THAP4: variants seen among roughly 807,000 people sequenced by gnomAD.
The protein encoded by THAP4 is peroxynitrite isomerase THAP4.
In THAP4, 18 loss-of-function variants were observed where a neutral mutation model predicts 48.1. The ratio of observed to expected loss-of-function variants is 0.37; its 90% CI spans 0.26 to 0.56. The LOEUF (loss-of-function observed/expected upper bound fraction) is 0.56. Ranked by LOEUF, THAP4 falls within the 20% of genes least tolerant of loss-of-function variation. The pLI, the probability that THAP4 is intolerant of heterozygous loss-of-function variation, is 0.78. For synonymous variants in THAP4, 345 were observed against 324.9 expected, an observed-to-expected ratio of 1.06 and a Z score of -0.66; for missense variants, 656 against 774.9, an observed-to-expected ratio of 0.85 and a Z score of 1.82.
In THAP4 at chr2:241,610,978, A is replaced by G. The variant is rs1051292126; in HGVS notation, c.1241-4505T>C. On this transcript the variant is annotated intron_variant, in intron 2 of 5. Transcript: ENST00000407315. This position sits in a 1 kb window ranked among gnomAD's most constrained non-coding sequence, Gnocchi z 4.2. ...GAGGGGGACTCTCAGGTAAGTAACAATATTATCACCTTCCCTCCCAAGAAT... is the reference window on the plus strand; with the variant it reads ...GAGGGGGACTCTCAGGTAAGTAACAGTATTATCACCTTCCCTCCCAAGAAT... Among the ~76,000 whole-genome samples the G allele has an allele frequency of 2.6e-5, 4 of 152,100 alleles. No homozygotes were observed. Among genetic ancestry groups the G allele is most frequent in the African/African-American group, 9.7e-5 (4 of 41,416 alleles).
In THAP4 at chr2:241,612,781, G is replaced by C. The variant is rs543375644; in HGVS notation, c.1241-6308C>G. On this transcript the variant is annotated intron_variant, in intron 2 of 5. Coordinates refer to ENST00000407315, the MANE Select transcript of THAP4 (RefSeq NM_015963.6). The surrounding 1 kb of genome is among the most constrained non-coding windows in gnomAD (Gnocchi z 4.1). ...CTGCGTTCTGTGGCAGAAGACGCTA[G>C]AGTCACACGTAGAAGGCGCATGAGG... is the stretch of plus-strand genomic sequence containing the variant. 1.3e-5 allele frequency among the ~76,000 whole-genome samples: 2 copies of C among 152,328 alleles called. No individual in the cohort carries two copies. The highest frequency in any genetic ancestry group is 4.1e-4 in the South Asian group (2 of 4,826).
chr2:241,611,504 T>C (rs1418631010), intron 2 of THAP4, among the ~76,000 whole-genome samples: 2 of 152,014 alleles, frequency 1.3e-5, no homozygotes, highest in Admixed American at 1.3e-4. Context: ...GGGTGGATCA[T>C]CTGAGGTCAG....
intron 5 of THAP4, among the ~76,000 whole-genome samples, chr2:241,587,257 C>CAA (rs1258369793): frequency 1.3e-5 from 2 of 152,204 alleles, no homozygotes. Flanking sequence ...AAAATAAAAA[C>CAA]AAAGATAAGG....
intron 5 of THAP4, among the ~76,000 whole-genome samples, chr2:241,588,790 A>G (rs1306278897): frequency 6.6e-6 from 1 of 152,258 alleles, no homozygotes; most frequent in Non-Finnish European, 1.5e-5. Context: ...CAAATAGCAT[A>G]TATCTTAAAA....
chr2:241,619,874 TGAGGGGTGAG>T (rs2067397801), intron 2 of THAP4, among the ~76,000 whole-genome samples: 1 of 30,232 alleles, frequency 3.3e-5, no homozygotes, highest in African/African-American at 1.6e-4. Context: ...AGTCGGTGAG[TGAGGGGTGAG>T]TGAGGGGTGA....
At position 241,594,572 on chromosome 2, in the gene THAP4, AAAAAC is replaced by A. The variant is rs759349035; in HGVS notation, c.1614+7319_1614+7323del. 71 of 353,308 alleles carry A rather than the reference AAAAAC, an allele frequency of 2.0e-4. No homozygotes were observed. In the East Asian group the frequency reaches 3.2e-3, roughly 16 times the overall value. 21.9% of individuals were successfully genotyped at this position (353,308 alleles called of 1,614,324 possible). A position where few individuals can be genotyped will look rare whatever the true frequency, so the allele number is the denominator to read the frequency against. ...AGACCCCATCTCTACTAAAAATACA[AAAAAC>A]AAAACAAAACAAAACAACAACAACA... On this transcript the variant is annotated intron_variant, in intron 5 of 5. Coordinates refer to ENST00000407315, the MANE Select transcript of THAP4 (RefSeq NM_015963.6).
intron 5 of THAP4, among the ~76,000 whole-genome samples, chr2:241,585,935 A>AG (rs1312078708): frequency 6.8e-6 from 1 of 146,896 alleles, no homozygotes; most frequent in African/African-American, 2.5e-5. Context: ...AAAAAGAAAA[A>AG]AAAAAGAAAA....
chr2:241,591,663 C>T (rs942164372), intron 5 of THAP4, among the ~76,000 whole-genome samples: 2 of 152,004 alleles, frequency 1.3e-5, no homozygotes, highest in African/African-American at 4.8e-5. Context: ...GGGTAGCTGG[C>T]CCTCATCTGA....
rs746625554 is a variant in THAP4 at position 241,629,435 on chromosome 2, C to T, written c.1240+3482G>A. On this transcript the variant is annotated intron_variant, in intron 2 of 5. Transcript: ENST00000407315. ...GCAGTGAGCTGTGATAGGACCACCA[C>T]ACTCCAGCCTGGGTGACAGAGCAAA... Among the ~76,000 whole-genome samples the T allele has an allele frequency of 4.0e-5, 6 of 150,564 alleles. No homozygotes were observed. In the South Asian group the frequency reaches 6.3e-4, roughly 16 times the overall value.
intron 2 of THAP4, 102 bp downstream of exon 2, chr2:241,632,815 C>T: frequency 1.1e-6 from 1 of 891,988 alleles, no homozygotes. Flanking sequence ...GCGCAGGGAG[C>T]TTGTGACACC....
chr2:241,613,006 C>T (rs765966989), intron 2 of THAP4, among the ~76,000 whole-genome samples: 11 of 152,124 alleles, frequency 7.2e-5, no homozygotes, highest in Admixed American at 2.0e-4. Flanking sequence ...TAGATAATAT[C>T]GGGTTAAATA....
At chr2:241,609,766 G>A (rs1247991698) in intron 2 of THAP4, among the ~76,000 whole-genome samples, 3 of 150,062 alleles carry the variant, frequency 2.0e-5, no homozygotes, top group Non-Finnish European at 3.0e-5. Context: ...CAGCCTGGGC[G>A]ACAGAGACGT....
intron 2 of THAP4, among the ~76,000 whole-genome samples, chr2:241,607,577 G>A (rs1225851904): frequency 6.6e-6 from 1 of 151,366 alleles, no homozygotes; most frequent in East Asian, 2.0e-4. Flanking sequence ...GCAGCAGCAG[G>A]GACAGAAGCA....
chr2:241,614,066 A>G (rs1011407664), intron 2 of THAP4, among the ~76,000 whole-genome samples: 3 of 151,874 alleles, frequency 2.0e-5, no homozygotes, highest in Non-Finnish European at 4.4e-5. Context: ...GGTGGGGAGA[A>G]TCACTTGCGC....
chr2:241,619,604 G>A (rs1022224452), intron 2 of THAP4, among the ~76,000 whole-genome samples: 1 of 152,224 alleles, frequency 6.6e-6, no homozygotes, highest in African/African-American at 2.4e-5. Flanking sequence ...TGGTTCACCT[G>A]CATAAGGCAC....
At chr2:241,587,484 A>G (rs2066908057) in intron 5 of THAP4, among the ~76,000 whole-genome samples, 1 of 152,246 alleles carries the variant, frequency 6.6e-6, no homozygotes, top group Non-Finnish European at 1.5e-5. Flanking sequence ...CTGGCATCCC[A>G]GGGTTTCCAG....
intron 2 of THAP4, among the ~76,000 whole-genome samples, chr2:241,623,447 G>A (rs1288116749): frequency 6.6e-6 from 1 of 151,966 alleles, no homozygotes; most frequent in East Asian, 1.9e-4. Context: ...GGGCATGGTG[G>A]CACGCATCTG....
chr2:241,623,406 C>G (rs768780953), intron 2 of THAP4, among the ~76,000 whole-genome samples: 10 of 151,744 alleles, frequency 6.6e-5, no homozygotes, highest in Non-Finnish European at 1.3e-4. Context: ...ATGGCAAAAC[C>G]CTGTCTCTAC....
At position 241,632,879 on chromosome 2, in the gene THAP4, G is replaced by A. The variant is rs754835107; in HGVS notation, c.1240+38C>T. ...ACCTTGCAGAGAAACCCCTCCTAAC[G>A]GGAAGGGAACATGGGTACGCGAGGC... On this transcript the variant is annotated intron_variant, in intron 2 of 5. Coordinates refer to ENST00000407315, the MANE Select transcript of THAP4 (RefSeq NM_015963.6). 23 of 1,487,344 alleles carry A rather than the reference G, an allele frequency of 1.5e-5. No homozygotes were observed. The African/African-American group carries it at 2.5e-4, about 16-fold the overall frequency. The allele number at this position is 1,487,344 out of a possible 1,614,324, so 92.1% of individuals were successfully genotyped here. A position where few individuals can be genotyped will look rare whatever the true frequency, so the allele number is the denominator to read the frequency against.
Sources: gnomAD v4.1 joint callset for allele counts (sites outside exome capture counted in the v4.1 genomes callset) on GRCh38, gnomAD v4.1.1 for gene constraint, Gnocchi (gnomAD v3.1) non-coding constraint, MANE v1.5 for transcripts, NCBI Gene and HGNC (gene_info 2026-07-23, HGNC 2026-07-21) for gene names.